DCAF6: variants seen among roughly 807,000 people sequenced by gnomAD.
DCAF6 encodes the protein DDB1- and CUL4-associated factor 6.
In DCAF6, 54 loss-of-function variants were observed where a neutral mutation model predicts 125.1. The observed-to-expected ratio is 0.43, with a 90% CI of 0.35 to 0.54. The LOEUF (loss-of-function observed/expected upper bound fraction) is 0.54, where lower values mean the gene tolerates loss of function less well. Among genes scored for constraint, DCAF6 ranks in the 20% least tolerant of loss-of-function variants. The pLI is 0.01. For synonymous variants in DCAF6, 371 were observed against 390.4 expected, an observed-to-expected ratio of 0.95 and a Z score of 0.58; for missense variants, 934 against 1,161.7, an observed-to-expected ratio of 0.80 and a Z score of 2.85.
At chr1:167,945,722 G>A (rs1210362910) in intron 1 of DCAF6, among the ~76,000 whole-genome samples, 5 of 151,424 alleles carry the variant, frequency 3.3e-5, no homozygotes, top group African/African-American at 4.8e-5. Context: ...GGATGGTCTC[G>A]ATCTCTTGAC....
In DCAF6 at chr1:168,033,668, A is replaced by T. The variant is rs974015080; in HGVS notation, c.1610-4703A>T. 4.6e-5 allele frequency among the ~76,000 whole-genome samples: 7 copies of T among 152,206 alleles called. No homozygotes were observed. In the South Asian group the frequency reaches 1.2e-3, roughly 27 times the overall value. On this transcript the variant is annotated intron_variant, in intron 12 of 21. Transcript: ENST00000367840. The stretch of plus-strand genomic sequence containing the variant: ...CTGAATCTCAAGTTACGGACCTTTC[A>T]CTTCTAATCCCCCAAAATGAAGTCC...
intron 4 of DCAF6, among the ~76,000 whole-genome samples, chr1:167,980,440 C>T (rs915886061): frequency 1.3e-5 from 2 of 151,638 alleles, no homozygotes; most frequent in Non-Finnish European, 2.9e-5. Context: ...TGCCTACCAG[C>T]TGTGTGCAAG....
the DCAF6 span, among the ~76,000 whole-genome samples, chr1:167,865,894 T>C: frequency 1.3e-5 from 2 of 152,306 alleles, no homozygotes; most frequent in South Asian, 2.1e-4. Context: ...TTTTCCAGGA[T>C]TCTACAGCCT....
chr1:168,022,874 T>C, intron 11 of DCAF6, 114 bp from the exon 12 acceptor site: 1 of 912,812 alleles, frequency 1.1e-6, no homozygotes, highest in Middle Eastern at 2.1e-4. Flanking sequence ...ACCACAGTAC[T>C]TACTTCTATT....
intron 7 of DCAF6, among the ~76,000 whole-genome samples, chr1:167,999,589 C>T (rs1682287653): frequency 6.6e-6 from 1 of 152,216 alleles, no homozygotes; most frequent in East Asian, 1.9e-4. Context: ...GCAGCTTCCA[C>T]ATCAGGACTT....
At chr1:167,944,086 C>T (rs1448717793) in intron 1 of DCAF6, among the ~76,000 whole-genome samples, 3 of 152,202 alleles carry the variant, frequency 2.0e-5, no homozygotes, top group Admixed American at 2.0e-4. Context: ...TTGTGATCTG[C>T]CCGCCTCGGC....
chr1:167,867,326 C>T, the DCAF6 span, among the ~76,000 whole-genome samples: 12 of 152,014 alleles, frequency 7.9e-5, no homozygotes, highest in Non-Finnish European at 1.2e-4. Flanking sequence ...CACGCACGGC[C>T]GAAGCATGAG....
intron 21 of DCAF6, among the ~76,000 whole-genome samples, chr1:168,073,834 AT>A (rs926886692): frequency 3.7e-4 from 56 of 151,266 alleles, no homozygotes; most frequent in African/African-American, 8.5e-4. Flanking sequence ...AAACAATGTA[AT>A]TTTTTTTATA....
chr1:168,070,213 C>T (rs1692851171), intron 21 of DCAF6, among the ~76,000 whole-genome samples: 1 of 151,902 alleles, frequency 6.6e-6, no homozygotes, highest in African/African-American at 2.4e-5. Flanking sequence ...GTTTAGTCAG[C>T]TTATCTTCTT....
chr1:167,996,476 T>TA (rs1204351529), intron 7 of DCAF6, among the ~76,000 whole-genome samples: 1 of 152,212 alleles, frequency 6.6e-6, no homozygotes, highest in Non-Finnish European at 1.5e-5. Context: ...TGGCATGACC[T>TA]ATCCCCCTTT....
intron 3 of DCAF6, among the ~76,000 whole-genome samples, chr1:167,973,093 A>C (rs1168837086): frequency 6.6e-6 from 1 of 152,228 alleles, no homozygotes; most frequent in East Asian, 1.9e-4. Flanking sequence ...CTACTTGGTA[A>C]ACCACCCTAA....
At chr1:167,920,052 T>G in the DCAF6 span, 1 of 1,613,564 alleles carries the variant, frequency 6.2e-7, no homozygotes, top group Non-Finnish European at 8.5e-7. Context: ...CTCCAATTTT[T>G]TGGAATAATT....
intron 1 of DCAF6, among the ~76,000 whole-genome samples, chr1:167,944,063 C>T (rs1171619618): frequency 3.3e-5 from 5 of 152,104 alleles, no homozygotes; most frequent in African/African-American, 1.2e-4. Flanking sequence ...AGGATGGCCT[C>T]GATCCCCCGA....
At chr1:167,888,519 C>T in the DCAF6 span, among the ~76,000 whole-genome samples, 1 of 151,854 alleles carries the variant, frequency 6.6e-6, no homozygotes, top group African/African-American at 2.4e-5. Context: ...TTATTTTTAG[C>T]TATTGTTAAC....
In DCAF6 at chr1:167,999,663, A is replaced by C. The variant is rs181896373; in HGVS notation, c.904-2819A>C. Reference sequence around the variant, plus strand: ...CTTCTTTCCTTAAACTGCATGAACCAACCTCTGTTAGCTTCAGACTTTTAT... The same window carrying C: ...CTTCTTTCCTTAAACTGCATGAACCCACCTCTGTTAGCTTCAGACTTTTAT... On this transcript the variant is annotated intron_variant, in intron 7 of 21. Coordinates refer to ENST00000367840, the MANE Select transcript of DCAF6 (RefSeq NM_001198956.2). Among the ~76,000 whole-genome samples, 9 of 152,286 alleles carry C rather than the reference A, an allele frequency of 5.9e-5. No individual in the cohort carries two copies. The East Asian group carries it at 1.7e-3, about 29-fold the overall frequency.
At chr1:167,918,269 T>A in the DCAF6 span, 1 of 1,387,490 alleles carries the variant, frequency 7.2e-7, no homozygotes, top group Non-Finnish European at 1.0e-6. Context: ...AATAATAAAC[T>A]AGGTCCCAAT....
At chr1:167,924,453 A>G in the DCAF6 span, 18 of 1,530,986 alleles carry the variant, frequency 1.2e-5, no homozygotes, top group Non-Finnish European at 1.6e-5. Flanking sequence ...ATTCCTATTA[A>G]GGAATTTGTC....
the DCAF6 span, among the ~76,000 whole-genome samples, chr1:167,910,147 G>T: frequency 3.3e-5 from 5 of 152,116 alleles, no homozygotes; most frequent in Non-Finnish European, 7.4e-5. Context: ...CTTTAACCCG[G>T]GTGTCTAAGG....
At chr1:167,937,855 C>T (rs1311238697) in intron 1 of DCAF6, among the ~76,000 whole-genome samples, 4 of 152,020 alleles carry the variant, frequency 2.6e-5, no homozygotes, top group African/African-American at 9.7e-5. Context: ...GTATACTCTT[C>T]ATTACTCTTT....
Sources: allele counts gnomAD v4.1 joint callset (sites outside exome capture counted in the v4.1 genomes callset), GRCh38; gene constraint gnomAD v4.1.1; transcripts MANE v1.5; gene names NCBI Gene and HGNC (gene_info 2026-07-23, HGNC 2026-07-21).